GYG1: variants seen among roughly 807,000 people sequenced by gnomAD.
GYG1 encodes glycogenin-1.
GYG1 carries 44 observed loss-of-function variants against 41.9 expected under a neutral mutation model. That is an observed-to-expected ratio of 1.05 (90% confidence interval 0.83 to 1.35). The LOEUF (loss-of-function observed/expected upper bound fraction) is 1.35. GYG1 is among the 40% of genes most tolerant of loss of function. The pLI is 0.00. For missense variants in GYG1, 429 were observed against 418.9 expected (o/e 1.02, Z -0.21); for synonymous variants, 141 against 158.1 (o/e 0.89, Z 0.81).
chr3:149,012,181 GT>G (rs1467529701), intron 5 of GYG1, among the ~76,000 whole-genome samples: 1 of 152,068 alleles, frequency 6.6e-6, no homozygotes, highest in Non-Finnish European at 1.5e-5. Flanking sequence ...TAGTCCAAAT[GT>G]TTTTTAAATG....
chr3:149,014,399 C>T (rs1055829168), intron 5 of GYG1, among the ~76,000 whole-genome samples: 3 of 152,008 alleles, frequency 2.0e-5, no homozygotes, highest in South Asian at 2.1e-4. Context: ...GGAGTGAGAT[C>T]GCATGGGCAG....
chr3:149,024,220 C>G lies in GYG1; in HGVS notation c.776C>G (p.Pro259Arg). Residue 259 changes from proline to arginine, a missense_variant, in exon 6 of 8, where the codon CCT becomes CGT. Coordinates refer to ENST00000345003, the MANE Select transcript of GYG1 (RefSeq NM_004130.4). ...WWNIFTTNVL[P>R]LLQQFGLVKD... ...AACATCTTTACCACCAACGTTTTAC[C>G]TCTGCTTCAACAATTTGGCCTTGTC... The G allele has an allele frequency of 1.9e-6, 3 of 1,613,922 alleles. No individual in the cohort carries two copies. The highest frequency in any genetic ancestry group is 2.5e-6 in the Non-Finnish European group (3 of 1,179,786).
At position 148,996,742 on chromosome 3, in the gene GYG1, G is replaced by T; in HGVS notation, c.319G>T (p.Val107Phe). 6.2e-7 allele frequency: 1 copy of T among 1,613,410 alleles called. No individual in the cohort carries two copies. Among genetic ancestry groups the T allele is most frequent in the Non-Finnish European group, 8.5e-7 (1 of 1,179,358 alleles). Reference protein sequence around the residue: ...KCVFMDADTLVLANIDDLFDR... With the variant: ...KCVFMDADTLFLANIDDLFDR... ...AATGCTCTTTCTCCCCTTTGATCAG[G>T]TCCTAGCAAATATTGATGATCTTTT... The change falls in exon 4 of 8, where the codon GTC becomes TTC. Residue 107 changes from valine (V) to phenylalanine (F), a missense_variant and splice_region_variant. Physicochemically the swap from Val to Phe is conservative, Grantham distance 50 (BLOSUM62 -1). Transcript: ENST00000345003.
At chr3:149,018,994 TC>T (rs1714217111) in intron 5 of GYG1, among the ~76,000 whole-genome samples, 1 of 151,080 alleles carries the variant, frequency 6.6e-6, no homozygotes, top group Admixed American at 6.6e-5. Context: ...TGCTTGCACT[TC>T]AGAGGTTGAA....
chr3:149,004,569 C>T (rs138334298), intron 4 of GYG1, among the ~76,000 whole-genome samples: 2,713 of 152,198 alleles, frequency 0.018, 79 homozygotes, highest in African/African-American at 0.062. Context: ...ATTTCTAGAC[C>T]GCTGAATTTA....
At position 149,029,908 on chromosome 3, in the gene GYG1, A is replaced by C. The variant is rs900981234; in HGVS notation, c.*2975A>C. Among the ~76,000 whole-genome samples, 9 of 152,212 alleles carry C rather than the reference A, an allele frequency of 5.9e-5. No individual in the cohort carries two copies. Among genetic ancestry groups the C allele is most frequent in the African/African-American group, 1.9e-4 (8 of 41,458 alleles). ...GAAATTAATTGGGACCAATGTTTTT[A>C]GATCAAGGCATTTTAAATAAGCACT... On this transcript the variant is annotated 3_prime_UTR_variant, in exon 8 of 8. Coordinates refer to ENST00000345003, the MANE Select transcript of GYG1 (RefSeq NM_004130.4).
intron 4 of GYG1, among the ~76,000 whole-genome samples, chr3:148,997,410 T>C (rs1712864530): frequency 6.6e-6 from 1 of 152,218 alleles, no homozygotes; most frequent in Non-Finnish European, 1.5e-5. Context: ...CAAACTCTCA[T>C]TCTCTATAAG....
chr3:149,006,309 C>T (rs980234667), intron 4 of GYG1, among the ~76,000 whole-genome samples: 2 of 152,028 alleles, frequency 1.3e-5, no homozygotes, highest in African/African-American at 4.8e-5. Context: ...TCTTGAACTC[C>T]TGACCTTGTG....
intron 4 of GYG1, among the ~76,000 whole-genome samples, chr3:149,002,830 G>T (rs1279172210): frequency 2.6e-5 from 4 of 152,152 alleles, no homozygotes; most frequent in Non-Finnish European, 5.9e-5. Context: ...AGACCAGCCT[G>T]GCCAAAATGG....
rs950064112 is a variant in GYG1 at position 149,028,891 on chromosome 3, T to G, written c.*1958T>G. ...ACGCACCACCACGCCCAGCTAAATTTTGTATTTTTAGTAGAGACAGGTTTC... is the reference window on the plus strand; with the variant it reads ...ACGCACCACCACGCCCAGCTAAATTGTGTATTTTTAGTAGAGACAGGTTTC... On this transcript the variant is annotated 3_prime_UTR_variant, in exon 8 of 8. Transcript: ENST00000345003. Among the ~76,000 whole-genome samples, 2 of 151,996 alleles carry G rather than the reference T, an allele frequency of 1.3e-5. No individual in the cohort carries two copies. The highest frequency in any genetic ancestry group is 1.3e-4 in the Admixed American group (2 of 15,258).
At chr3:149,019,920 G>A (rs1443979075) in intron 5 of GYG1, among the ~76,000 whole-genome samples, 5 of 152,252 alleles carry the variant, frequency 3.3e-5, no homozygotes, top group Non-Finnish European at 7.3e-5. Flanking sequence ...GATACGGACA[G>A]AGCCAGAGGC....
At position 148,999,675 on chromosome 3, in the gene GYG1, AAT is replaced by A. The variant is rs1367240319; in HGVS notation, c.481+2774_481+2775del. ...GCAGTAACCTTTGCCTCTGGTTTTCAATATGTTATTATATAAAAATTATAAAT... is the reference window on the plus strand; with the variant it reads ...GCAGTAACCTTTGCCTCTGGTTTTCAATGTTATTATATAAAAATTATAAAT... On this transcript the variant is annotated intron_variant, in intron 4 of 7. Transcript: ENST00000345003. 3.9e-5 allele frequency among the ~76,000 whole-genome samples: 6 copies of A among 152,132 alleles called. No individual in the cohort carries two copies. The South Asian group carries it at 1.0e-3, about 26-fold the overall frequency.
intron 4 of GYG1, among the ~76,000 whole-genome samples, chr3:148,998,394 G>A (rs1712922865): frequency 6.6e-6 from 1 of 152,160 alleles, no homozygotes; most frequent in Admixed American, 6.5e-5. Flanking sequence ...AGGGTGCAAA[G>A]GGCATCTGAT....
At chr3:149,018,789 C>CGTAGTGTCAGGCCGGGCA in intron 5 of GYG1, among the ~76,000 whole-genome samples, 1 of 151,952 alleles carries the variant, frequency 6.6e-6, no homozygotes, top group African/African-American at 2.4e-5. Flanking sequence ...CAGGCCGGGC[C>CGTAGTGTCAGGCCGGGCA]CGTAATGTCA....
chr3:149,016,253 T>C (rs1576549991), intron 5 of GYG1, among the ~76,000 whole-genome samples: 1 of 96,006 alleles, frequency 1.0e-5, no homozygotes. Flanking sequence ...AGAGCAAGAC[T>C]CCGTCTCAAA....
chr3:149,018,451 T>A (rs1714188949), intron 5 of GYG1, among the ~76,000 whole-genome samples: 1 of 152,196 alleles, frequency 6.6e-6, no homozygotes, highest in Admixed American at 6.5e-5. Flanking sequence ...ATCCCTCATA[T>A]CAAGCCAAGT....
At chr3:149,006,329 C>T (rs1713404465) in intron 4 of GYG1, among the ~76,000 whole-genome samples, 1 of 152,122 alleles carries the variant, frequency 6.6e-6, no homozygotes, top group South Asian at 2.1e-4. Context: ...GATCCACCCA[C>T]CTCGGCCTCC....
chr3:149,009,307 T>C lies in GYG1; in HGVS notation c.513T>C (p.Phe171=). 1 of 1,613,496 alleles carries C rather than the reference T, an allele frequency of 6.2e-7. No homozygotes were observed. The highest frequency in any genetic ancestry group is 1.7e-5 in the Admixed American group (1 of 60,032). Residue 171 remains phenylalanine, a synonymous_variant, in exon 5 of 8, where the codon TTT becomes TTC. Coordinates refer to ENST00000345003, the MANE Select transcript of GYG1 (RefSeq NM_004130.4). ...GGDQGILNTF[F]SSWATTDIRK... is the part of the protein sequence containing the mutation. ...ACCAAGGCATACTGAACACATTTTTTAGCAGCTGGGCAACAACAGATATCA... is the reference window on the plus strand; with the variant it reads ...ACCAAGGCATACTGAACACATTTTTCAGCAGCTGGGCAACAACAGATATCA...
rs1019464482 is a variant in GYG1, at chr3:149,029,453, A to G, written c.*2520A>G. Reference sequence around the variant, plus strand: ...TGGTGGATGGAGCTATGGTTTATGCATAAAGTAAATGTTTGTTTACCTTAA... The same window carrying G: ...TGGTGGATGGAGCTATGGTTTATGCGTAAAGTAAATGTTTGTTTACCTTAA... On this transcript the variant is annotated 3_prime_UTR_variant, in exon 8 of 8. Transcript: ENST00000345003. Among the ~76,000 whole-genome samples, 1 of 152,202 alleles carries G rather than the reference A, an allele frequency of 6.6e-6. No individual in the cohort carries two copies. The highest frequency in any genetic ancestry group is 2.4e-5 in the African/African-American group (1 of 41,444).
Sources: gnomAD v4.1 joint callset for allele counts (sites outside exome capture counted in the v4.1 genomes callset) on GRCh38, gnomAD v4.1.1 for gene constraint, MANE v1.5 for transcripts, NCBI Gene and HGNC (gene_info 2026-07-23, HGNC 2026-07-21) for gene names.